TBC1D32: variants seen among roughly 807,000 people sequenced by gnomAD.
The protein encoded by TBC1D32 is TBC1 domain family member 32.
In TBC1D32, 151 loss-of-function variants were observed where a neutral mutation model predicts 170.3. The observed-to-expected ratio is 0.89, with a 90% CI of 0.78 to 1.01. The LOEUF is 1.01. Among genes scored for constraint, TBC1D32 ranks in the 50% least tolerant of loss-of-function variants. The pLI is 0.00. For missense variants in TBC1D32, 1,464 were observed against 1,457.1 expected (o/e 1.00, Z -0.08); for synonymous variants, 498 against 488.0 (o/e 1.02, Z -0.27).
intron 26 of TBC1D32, among the ~76,000 whole-genome samples, chr6:121,117,980 A>G (rs1327505101): frequency 6.6e-6 from 1 of 152,152 alleles, no homozygotes; most frequent in African/African-American, 2.4e-5. Context: ...ATAATTTTAA[A>G]AATGGACGTC....
rs78588501 is a variant in TBC1D32 at position 121,245,538 on chromosome 6, A to G, written c.2019-3199T>C. 5.3e-3 allele frequency among the ~76,000 whole-genome samples: 800 copies of G among 152,284 alleles called. 9 individuals carry two copies. The highest frequency in any genetic ancestry group is 0.017 in the African/African-American group (692 of 41,562). ...AATTGCAGTGCTGGGCACAGTAAGG[A>G]AAGTCTACCTCTCTATCCAATAGGC... is the stretch of plus-strand genomic sequence containing the variant. On this transcript the variant is annotated intron_variant, in intron 17 of 31. Coordinates refer to ENST00000398212, the MANE Select transcript of TBC1D32 (RefSeq NM_152730.6).
chr6:121,323,425 C>T (rs555247151), intron 1 of TBC1D32, among the ~76,000 whole-genome samples: 45 of 152,230 alleles, frequency 3.0e-4, no homozygotes, highest in South Asian at 4.1e-4. Flanking sequence ...TTACTCATAC[C>T]AATACCTCAT....
intron 26 of TBC1D32, among the ~76,000 whole-genome samples, chr6:121,124,027 A>G (rs1780566880): frequency 6.6e-6 from 1 of 151,952 alleles, no homozygotes; most frequent in South Asian, 2.1e-4. Flanking sequence ...TTCACAATTT[A>G]TATTATTTAT....
intron 12 of TBC1D32, among the ~76,000 whole-genome samples, chr6:121,285,872 A>G (rs1275834172): frequency 6.6e-6 from 1 of 152,194 alleles, no homozygotes; most frequent in Non-Finnish European, 1.5e-5. Context: ...ATACCCAGGC[A>G]AACAGGGTCT....
intron 19 of TBC1D32, 75 bp from the exon 20 acceptor site, chr6:121,239,263 C>T: frequency 2.4e-6 from 2 of 839,546 alleles, no homozygotes; most frequent in Admixed American, 3.6e-5. Flanking sequence ...TATGATGATC[C>T]CTCTGATGAA....
At position 121,159,932 on chromosome 6, in the gene TBC1D32, C is replaced by A. The variant is rs193291492; in HGVS notation, c.2773+78G>T. ...CATGCTAAATGCAGTCAATATTCAT[C>A]TTCCTTAATATTTTCTTTTTTTCAA... is the stretch of plus-strand genomic sequence containing the variant. On this transcript the variant is annotated intron_variant, in intron 24 of 31. Transcript: ENST00000398212. 292 of 974,592 alleles carry A rather than the reference C, an allele frequency of 3.0e-4. 1 individual carries two copies. In the East Asian group the frequency reaches 6.8e-3, roughly 23 times the overall value. The allele number at this position is 974,592 out of a possible 1,614,324, so 60.4% of individuals were successfully genotyped here.
intron 30 of TBC1D32, among the ~76,000 whole-genome samples, chr6:121,097,340 A>C (rs1009345139): frequency 7.2e-5 from 11 of 151,902 alleles, no homozygotes; most frequent in African/African-American, 2.2e-4. Context: ...AGAACTCAAA[A>C]AAATTTACAA....
rs559649472 is a variant in TBC1D32, at chr6:121,294,700, C to A, written c.1141-40G>T. The A allele has an allele frequency of 2.1e-6, 3 of 1,438,262 alleles. No individual in the cohort carries two copies. The East Asian group carries it at 6.8e-5, about 33-fold the overall frequency. 89.1% of individuals were successfully genotyped at this position (1,438,262 alleles called of 1,614,324 possible). On this transcript the variant is annotated intron_variant, in intron 10 of 31. Transcript: ENST00000398212. The stretch of plus-strand genomic sequence containing the variant: ...AGTTATTAATTCCAGAACTTTGCAG[C>A]CCTCAAGTCCAAGAATTAAAAGAAA...
At chr6:121,128,549 G>T (rs1481039711) in intron 25 of TBC1D32, among the ~76,000 whole-genome samples, 1 of 152,078 alleles carries the variant, frequency 6.6e-6, no homozygotes, top group Non-Finnish European at 1.5e-5. Context: ...ATAGAATATT[G>T]TTCCTCTAAA....
intron 24 of TBC1D32, among the ~76,000 whole-genome samples, chr6:121,135,356 C>G (rs1196529410): frequency 6.6e-6 from 1 of 152,014 alleles, no homozygotes; most frequent in Non-Finnish European, 1.5e-5. Context: ...TTCCTTCTGG[C>G]CACGATGGAG....
At chr6:121,263,744 G>C (rs1430084686) in intron 15 of TBC1D32, among the ~76,000 whole-genome samples, 1 of 152,074 alleles carries the variant, frequency 6.6e-6, no homozygotes, top group Non-Finnish European at 1.5e-5. Flanking sequence ...ATTATAGACA[G>C]TCTCTCAAAC....
chr6:121,240,183 C>A (rs1391002508), intron 19 of TBC1D32, among the ~76,000 whole-genome samples: 1 of 151,858 alleles, frequency 6.6e-6, no homozygotes, highest in Non-Finnish European at 1.5e-5. Flanking sequence ...CTACACTTAC[C>A]CCTCTCATGA....
chr6:121,310,052 A>T (rs144802224), intron 4 of TBC1D32, among the ~76,000 whole-genome samples: 3,491 of 151,702 alleles, frequency 0.023, 61 homozygotes, highest in Middle Eastern at 0.069. Flanking sequence ...TATATATATA[A>T]AATTTTTCTA....
At chr6:121,216,231 TCTTTCTCCCGTGATGAATG>T (rs1274533917) in intron 21 of TBC1D32, among the ~76,000 whole-genome samples, 2 of 152,196 alleles carry the variant, frequency 1.3e-5, no homozygotes, top group Non-Finnish European at 2.9e-5. Flanking sequence ...CCAGCCTACA[TCTTTCTCCCGTGATGAATG>T]CTTCCTTCCC....
chr6:121,325,241 C>T (rs9401394), intron 1 of TBC1D32, among the ~76,000 whole-genome samples: 1 of 151,062 alleles, frequency 6.6e-6, no homozygotes, highest in Non-Finnish European at 1.5e-5. Context: ...TCTTTGTTCT[C>T]TACCACAACC....
chr6:121,308,015 T>A lies in TBC1D32; in HGVS notation c.651A>T (p.Lys217Asn). 1 of 1,613,862 alleles carries A rather than the reference T, an allele frequency of 6.2e-7. No individual in the cohort carries two copies. Among genetic ancestry groups the A allele is most frequent in the Non-Finnish European group, 8.5e-7 (1 of 1,179,884 alleles). Residue 217 changes from lysine (K) to asparagine (N), a missense_variant, in exon 5 of 32, where the codon AAA becomes AAT. Physicochemically the swap from Lys to Asn is moderately conservative, Grantham distance 94. Coordinates refer to ENST00000398212, the MANE Select transcript of TBC1D32 (RefSeq NM_152730.6). ...CAGGATCTGAAAGAGACACGGTCAGTTTTTCGCAGAGAGTAGTCCAATTTT... is the reference window on the plus strand; with the variant it reads ...CAGGATCTGAAAGAGACACGGTCAGATTTTCGCAGAGAGTAGTCCAATTTT... ...NCENWTTLCEKLTVSLSDPDP... is the reference protein window; with the variant it reads ...NCENWTTLCENLTVSLSDPDP...
At chr6:121,103,584 TA>T (rs1778376443) in intron 30 of TBC1D32, among the ~76,000 whole-genome samples, 3 of 94,696 alleles carry the variant, frequency 3.2e-5, no homozygotes, top group African/African-American at 1.3e-4. Context: ...GGGCCTGTTG[TA>T]GGGAGGGGGG....
chr6:121,187,211 G>A (rs972396729), intron 22 of TBC1D32, among the ~76,000 whole-genome samples: 8 of 152,024 alleles, frequency 5.3e-5, no homozygotes, highest in African/African-American at 1.9e-4. Flanking sequence ...TAGTATCTCT[G>A]ATTCATTATT....
At chr6:121,258,702 C>T (rs539126325) in intron 15 of TBC1D32, among the ~76,000 whole-genome samples, 1 of 152,184 alleles carries the variant, frequency 6.6e-6, no homozygotes, top group African/African-American at 2.4e-5. Context: ...TATTAACATT[C>T]TTCTGTTCCT....
Sources: gnomAD v4.1 joint callset for allele counts (sites outside exome capture counted in the v4.1 genomes callset) on GRCh38, gnomAD v4.1.1 for gene constraint, MANE v1.5 for transcripts, NCBI Gene and HGNC (gene_info 2026-07-23, HGNC 2026-07-21) for gene names.